Variants in JAK2 observed in about 807,000 individuals in gnomAD.
The protein encoded by JAK2 is tyrosine-protein kinase JAK2.
In JAK2, 86 loss-of-function variants were observed where a neutral mutation model predicts 139.3. The ratio of observed to expected loss-of-function variants is 0.62; its 90% CI spans 0.52 to 0.74. The LOEUF (loss-of-function observed/expected upper bound fraction) is 0.74. JAK2 is among the 30% of genes least tolerant of loss of function. JAK2 has a pLI of 0.00. For missense variants in JAK2, 1,421 were observed against 1,360.3 expected, an observed-to-expected ratio of 1.04 and a Z score of -0.70; for synonymous variants, 490 against 437.7, an observed-to-expected ratio of 1.12 and a Z score of -1.49.
chr9:5,123,607 A>G (rs1823776173), intron 23 of JAK2, among the ~76,000 whole-genome samples: 1 of 152,034 alleles, frequency 6.6e-6, no homozygotes, highest in Admixed American at 6.6e-5. Context: ...TGCTGCAATA[A>G]ACATACAGGT....
intron 2 of JAK2, among the ~76,000 whole-genome samples, chr9:4,988,658 G>A (rs964125091): frequency 6.6e-6 from 1 of 152,094 alleles, no homozygotes; most frequent in African/African-American, 2.4e-5. Context: ...TATGTAATAT[G>A]TTTATAACTT....
chr9:5,069,939 CT>C lies in JAK2; in HGVS notation c.1529del (p.Leu510GlnfsTer23). ...TATTTTTTCAGATAAATCAAACCTT[CT>C]AGTCTTCAGAACGAATGGTGTTTCT... is the stretch of plus-strand genomic sequence containing the variant. ...PPKPKDKSNL[L>X]VFRTNGVSDV... On this transcript the variant is annotated frameshift_variant, in exon 12 of 25. Transcript: ENST00000381652. LOFTEE classifies it high-confidence loss of function. The C allele has an allele frequency of 6.3e-7, 1 of 1,598,914 alleles. No individual in the cohort carries two copies. The highest frequency in any genetic ancestry group is 8.6e-7 in the Non-Finnish European group (1 of 1,169,268).
intron 2 of JAK2, among the ~76,000 whole-genome samples, chr9:5,005,390 T>C (rs1821230430): frequency 6.6e-6 from 1 of 152,130 alleles, no homozygotes; most frequent in Non-Finnish European, 1.5e-5. Context: ...CTTGAAAATA[T>C]TTTCTCCTGT....
In JAK2 at chr9:5,022,033, A is replaced by C; in HGVS notation, c.46A>C (p.Thr16Pro). ...LTMTEMEGTS[T>P]SSIYQNGDIS... ...GATGACAGAAATGGAGGGAACATCC[A>C]CCTCTTCTATATATCAGAATGGTGA... is the stretch of plus-strand genomic sequence containing the variant. The change falls in exon 3 of 25, where the codon ACC becomes CCC. Residue 16 changes from threonine to proline, a missense_variant. Physicochemically the swap from Thr to Pro is conservative, Grantham distance 38. Transcript: ENST00000381652. 3 of 1,614,122 alleles carry C rather than the reference A, an allele frequency of 1.9e-6. No homozygotes were observed. The highest frequency in any genetic ancestry group is 2.5e-6 in the Non-Finnish European group (3 of 1,179,960).
At chr9:5,003,016 T>G (rs1241437146) in intron 2 of JAK2, among the ~76,000 whole-genome samples, 1 of 151,996 alleles carries the variant, frequency 6.6e-6, no homozygotes, top group African/African-American at 2.4e-5. Context: ...TGAAATGCAA[T>G]GGCACATCTG....
chr9:4,993,817 C>A (rs180922153), intron 2 of JAK2, among the ~76,000 whole-genome samples: 1 of 152,338 alleles, frequency 6.6e-6, no homozygotes, highest in African/African-American at 2.4e-5. Flanking sequence ...CTGGCTGGGG[C>A]CACTGTTTGT....
intron 8 of JAK2, among the ~76,000 whole-genome samples, chr9:5,056,098 C>A (rs1468502358): frequency 6.6e-6 from 1 of 151,988 alleles, no homozygotes; most frequent in African/African-American, 2.4e-5. Flanking sequence ...GTAATGCTCA[C>A]CCCTGACTAA....
chr9:5,027,759 T>A (rs986036890), intron 3 of JAK2, among the ~76,000 whole-genome samples: 1 of 152,244 alleles, frequency 6.6e-6, no homozygotes, highest in African/African-American at 2.4e-5. Context: ...TCACCAGGAA[T>A]AGATTCCATC....
rs773146013 is a variant in JAK2, at chr9:5,022,180, G to C, written c.193G>C (p.Glu65Gln). 6 of 1,614,084 alleles carry C rather than the reference G, an allele frequency of 3.7e-6. No individual in the cohort carries two copies. The highest frequency in any genetic ancestry group is 1.1e-5 in the South Asian group (1 of 91,082). ...CTTTCCATCTGGGGAGTATGTTGCA[G>C]AAGAAATCTGTATTGCTGCTTCTAA... Reference protein sequence around the residue: ...LTFPSGEYVAEEICIAASKAC... With the variant: ...LTFPSGEYVAQEICIAASKAC... The change falls in exon 3 of 25, where the codon GAA (glutamate) becomes CAA (glutamine). Residue 65 changes from glutamate (E) to glutamine (Q), a missense_variant. Glu to Gln is a conservative substitution (Grantham distance 29, BLOSUM62 2). Transcript: ENST00000381652.
chr9:5,092,582 T>C (rs999234116), intron 22 of JAK2, among the ~76,000 whole-genome samples: 7 of 152,230 alleles, frequency 4.6e-5, no homozygotes, highest in South Asian at 4.1e-4. Flanking sequence ...CTTGGCACAA[T>C]AGATACAGTA....
intron 4 of JAK2, among the ~76,000 whole-genome samples, chr9:5,037,978 A>G (rs191739225): frequency 2.6e-5 from 4 of 152,336 alleles, no homozygotes; most frequent in Non-Finnish European, 5.9e-5. Flanking sequence ...CTTAATGTAC[A>G]TGAATATATA....
In JAK2 at chr9:5,050,273, A is replaced by T. The variant is rs563438063; in HGVS notation, c.469-413A>T. 6.6e-5 allele frequency among the ~76,000 whole-genome samples: 10 copies of T among 152,316 alleles called. 1 individual carries two copies. In the South Asian group the frequency reaches 2.1e-3, roughly 32 times the overall value. ...GTATCGCAAAATGAATGAAAATTAAAGGAGGAATTTATGCCATTTATTTAT... is the reference window on the plus strand; with the variant it reads ...GTATCGCAAAATGAATGAAAATTAATGGAGGAATTTATGCCATTTATTTAT... On this transcript the variant is annotated intron_variant, in intron 5 of 24. Transcript: ENST00000381652.
intron 3 of JAK2, among the ~76,000 whole-genome samples, chr9:5,024,528 T>G (rs908536792): frequency 2.0e-5 from 3 of 152,100 alleles, no homozygotes; most frequent in African/African-American, 7.2e-5. Context: ...GCTTAGGGTC[T>G]TTTCTTCTAA....
intron 23 of JAK2, among the ~76,000 whole-genome samples, chr9:5,123,548 CCACTGA>C (rs1181909393): frequency 6.6e-6 from 1 of 151,802 alleles, no homozygotes; most frequent in Non-Finnish European, 1.5e-5. Flanking sequence ...ATCCAGTCAT[CCACTGA>C]TGGACACTTA....
chr9:4,990,090 G>A (rs568397614), intron 2 of JAK2, among the ~76,000 whole-genome samples: 8 of 152,340 alleles, frequency 5.3e-5, no homozygotes, highest in African/African-American at 1.9e-4. Flanking sequence ...AAATAAGTCA[G>A]ATTGCAGAGA....
rs1478094766 is a variant in JAK2 at position 5,077,542 on chromosome 9, G to C, written c.1954G>C (p.Glu652Gln). 1.3e-6 allele frequency: 2 copies of C among 1,492,158 alleles called. No homozygotes were observed. Among genetic ancestry groups the C allele is most frequent in the African/African-American group, 2.9e-5 (2 of 68,872 alleles). The allele number at this position is 1,492,158 out of a possible 1,614,324, so 92.4% of individuals were successfully genotyped here. A position where few individuals can be genotyped will look rare whatever the true frequency, so the allele number is the denominator to read the frequency against. The change falls in exon 15 of 25, where the codon GAA (glutamate) becomes CAA (glutamine). Residue 652 changes from glutamate (E) to glutamine (Q), a missense_variant. Coordinates refer to ENST00000381652, the MANE Select transcript of JAK2 (RefSeq NM_004972.4). ...TTGTATAAATATATTATGGAAACTT[G>C]AAGTTGCTAAACAGTTGGCATGGGC... ...KNCINILWKL[E>Q]VAKQLAWAMH...
chr9:5,070,922 T>C (rs1586737683), intron 12 of JAK2, among the ~76,000 whole-genome samples: 1 of 152,286 alleles, frequency 6.6e-6, no homozygotes, highest in East Asian at 1.9e-4. Flanking sequence ...AAAGTGAGAC[T>C]ATCCCTGAGT....
intron 2 of JAK2, among the ~76,000 whole-genome samples, chr9:4,994,166 T>C (rs1240683024): frequency 6.6e-6 from 1 of 152,256 alleles, no homozygotes; most frequent in Non-Finnish European, 1.5e-5. Flanking sequence ...AATCTTTACT[T>C]AGAAGTTTGA....
At chr9:5,099,793 G>A (rs1821322995) in intron 22 of JAK2, 1 of 152,116 alleles carries the variant, frequency 6.6e-6, no homozygotes, top group Non-Finnish European at 1.5e-5. Flanking sequence ...TATCTTCACT[G>A]CCTCAACCAA....
Sources: gnomAD v4.1 joint callset for allele counts (sites outside exome capture counted in the v4.1 genomes callset) on GRCh38, gnomAD v4.1.1 for gene constraint, MANE v1.5 for transcripts, NCBI Gene and HGNC (gene_info 2026-07-23, HGNC 2026-07-21) for gene names.